The following PWWP2A variants were observed in gnomAD, a reference collection of about 807,000 sequenced individuals.
PWWP2A encodes the protein PWWP domain containing 2A, also known as PWWP domain-containing protein 2A.
In PWWP2A, 18 loss-of-function variants were observed where a neutral mutation model predicts 48.5. The observed-to-expected ratio is 0.37, with a 90% CI of 0.26 to 0.55. PWWP2A has a LOEUF of 0.55. Ranked by LOEUF, PWWP2A falls within the 20% of genes least tolerant of loss-of-function variation. PWWP2A has a pLI of 0.81. For missense variants in PWWP2A, 867 were observed against 976.4 expected (o/e 0.89, Z 1.49); for synonymous variants, 396 against 387.7 (o/e 1.02, Z -0.25).
intron 2 of PWWP2A, among the ~76,000 whole-genome samples, chr5:160,083,897 C>T (rs897991127): frequency 1.3e-5 from 2 of 152,194 alleles, no homozygotes; most frequent in African/African-American, 4.8e-5. Context: ...CACAGGTCTC[C>T]TTTAACCATA....
In PWWP2A at chr5:160,108,373, TTC is replaced by T. The variant is rs1462495917; in HGVS notation, c.584+10430_584+10431del. ...TCAGGGAGTGACTGGCACTTGCCTC[TTC>T]TCTGTTTCACTGTGTAAAGCCTTTA... On this transcript the variant is annotated intron_variant, in intron 1 of 1. Transcript: ENST00000307063. 2.6e-5 allele frequency among the ~76,000 whole-genome samples: 4 copies of T among 152,248 alleles called. No homozygotes were observed. The East Asian group carries it at 5.8e-4, about 22-fold the overall frequency.
chr5:160,055,055 C>T, the PWWP2A span, among the ~76,000 whole-genome samples: 6 of 152,078 alleles, frequency 3.9e-5, no homozygotes, highest in African/African-American at 1.4e-4. Context: ...GCACATGAGT[C>T]ATTATTTATG....
chr5:160,055,335 CAAAAAGT>C, the PWWP2A span, among the ~76,000 whole-genome samples: 2 of 152,200 alleles, frequency 1.3e-5, no homozygotes, highest in Non-Finnish European at 2.9e-5. Flanking sequence ...CTACTTTCTC[CAAAAAGT>C]AACCTAGGCT....
chr5:160,051,927 GT>G, the PWWP2A span, among the ~76,000 whole-genome samples: 2 of 152,188 alleles, frequency 1.3e-5, no homozygotes, highest in African/African-American at 4.8e-5. Context: ...CTGCAATCAT[GT>G]GGCCCTAAAG....
Position 160,077,864 on chromosome 5 carries a change from T to G in PWWP2A, c.*291A>C. The G allele has an allele frequency of 2.8e-6, 1 of 351,978 alleles. No homozygotes were observed. The highest frequency in any genetic ancestry group is 4.9e-5 in the South Asian group (1 of 20,606). 21.8% of individuals were successfully genotyped at this position (351,978 alleles called of 1,614,324 possible). On this transcript the variant is annotated 3_prime_UTR_variant, in exon 4 of 4. Coordinates refer to the PWWP2A transcript ENST00000456329. This position sits in a 1 kb window ranked among gnomAD's most constrained non-coding sequence, Gnocchi z 4.2. ...ATTCCAAAGAAGTTACTGTCAGTGT[T>G]TCTTCATATATAAAATTCAAGTGAG...
chr5:160,104,105 AGAGT>A (rs1756599779), intron 1 of PWWP2A, among the ~76,000 whole-genome samples: 1 of 123,150 alleles, frequency 8.1e-6, no homozygotes, highest in Non-Finnish European at 1.7e-5. Flanking sequence ...CCTGGGCAAC[AGAGT>A]GAGACTCTGT....
intron 4 of PWWP2A, chr5:160,065,255 C>G (rs1306921564): frequency 2.4e-6 from 2 of 849,438 alleles, no homozygotes; most frequent in South Asian, 2.9e-5. Context: ...TGTAATGAAC[C>G]TAATTTGATT....
chr5:160,081,279 A>AAC (rs1754213624), intron 2 of PWWP2A, among the ~76,000 whole-genome samples: 7 of 45,812 alleles, frequency 1.5e-4, no homozygotes, highest in Non-Finnish European at 2.4e-4. Flanking sequence ...CACTCTTGTT[A>AAC]GCAGGCTGGA....
chr5:160,110,698 C>T (rs1232027485), intron 1 of PWWP2A, among the ~76,000 whole-genome samples: 1 of 151,872 alleles, frequency 6.6e-6, no homozygotes, highest in Non-Finnish European at 1.5e-5. Context: ...AAGAGCGAAA[C>T]TCCACCTCAA....
At chr5:160,100,373 C>T (rs968319103) in intron 1 of PWWP2A, among the ~76,000 whole-genome samples, 2 of 152,122 alleles carry the variant, frequency 1.3e-5, no homozygotes, top group Admixed American at 6.6e-5. Context: ...CCTGTAGTCA[C>T]AGCTACTTAG....
At chr5:160,084,039 A>G (rs1754434425) in intron 2 of PWWP2A, among the ~76,000 whole-genome samples, 1 of 152,216 alleles carries the variant, frequency 6.6e-6, no homozygotes, top group South Asian at 2.1e-4. Context: ...TAACATTGTT[A>G]TATTTCCATT....
At chr5:160,072,782 GC>G (rs1753769999), downstream of PWWP2A, among the ~76,000 whole-genome samples, 1 of 151,730 alleles carries the variant, frequency 6.6e-6, no homozygotes. Context: ...GATGGCAGGT[GC>G]CTGCATTCCA....
chr5:160,089,666 G>C, downstream of PWWP2A: 2 of 1,284,882 alleles, frequency 1.6e-6, no homozygotes, highest in Non-Finnish European at 2.0e-6. Flanking sequence ...AGAATTTCCA[G>C]AAATAAAGAC....
intron 1 of PWWP2A, among the ~76,000 whole-genome samples, chr5:160,098,480 A>C (rs552009749): frequency 6.6e-6 from 1 of 152,234 alleles, no homozygotes; most frequent in Admixed American, 6.5e-5. Flanking sequence ...CCTTACACAG[A>C]TAACACCTAG....
chr5:160,096,788 C>T (rs182461613), intron 1 of PWWP2A, among the ~76,000 whole-genome samples: 15 of 152,302 alleles, frequency 9.8e-5, no homozygotes, highest in Middle Eastern at 3.4e-3. Context: ...TGCCACCATG[C>T]CTGGCTCCCT....
At chr5:160,074,800 T>G (rs1753829068), downstream of PWWP2A, among the ~76,000 whole-genome samples, 1 of 150,302 alleles carries the variant, frequency 6.7e-6, no homozygotes, top group African/African-American at 2.5e-5. Flanking sequence ...AATTTCTTAT[T>G]CTGATAAAAG....
chr5:160,101,419 TAA>T (rs372866667), intron 1 of PWWP2A, among the ~76,000 whole-genome samples: 141 of 152,232 alleles, frequency 9.3e-4, no homozygotes, highest in South Asian at 1.0e-3. Context: ...AAGCCAATCA[TAA>T]AAAGATATTG....
rs1758476950 is a variant in PWWP2A, at chr5:160,119,266, C to A, written c.123G>T (p.Pro41=). The A allele has an allele frequency of 1.4e-6, 2 of 1,403,520 alleles. No homozygotes were observed. Among genetic ancestry groups the A allele is most frequent in the Middle Eastern group, 2.0e-4 (1 of 5,004 alleles). 86.9% of individuals were successfully genotyped at this position (1,403,520 alleles called of 1,614,324 possible). ...PGSEAGTDPL[P]VTATEASVPD... ...GCACAGACGCTTCAGTGGCCGTGAC[C>A]GGGAGGGGGTCAGTGCCGGCCTCAC... The change falls in exon 1 of 2, where the codon CCG becomes CCT. Residue 41 remains proline (P), a synonymous_variant. Coordinates refer to ENST00000307063, the MANE Select transcript of PWWP2A (RefSeq NM_001130864.2).
At chr5:160,094,813 C>T (rs528621814) in intron 1 of PWWP2A, among the ~76,000 whole-genome samples, 3 of 151,846 alleles carry the variant, frequency 2.0e-5, no homozygotes, top group African/African-American at 7.2e-5. Context: ...TTTGGGAGGC[C>T]GAGGTGGGCA....
Sources: allele counts gnomAD v4.1 joint callset (sites outside exome capture counted in the v4.1 genomes callset), GRCh38; gene constraint gnomAD v4.1.1; non-coding constraint Gnocchi (gnomAD v3.1); transcripts MANE v1.5; gene names NCBI Gene and HGNC (gene_info 2026-07-23, HGNC 2026-07-21).